Variants in HAO1 observed in about 807,000 individuals in gnomAD.
HAO1 encodes the protein hydroxyacid oxidase 1, also known as 2-Hydroxyacid oxidase 1.
Under a neutral mutation model 39.7 loss-of-function variants are expected in HAO1, and 34 were observed. The observed-to-expected ratio is 0.86, with a 90% CI of 0.65 to 1.14. The LOEUF is 1.14. HAO1 is among the 50% of genes most tolerant of loss of function. The pLI, the probability that HAO1 is intolerant of heterozygous loss-of-function variation, is 0.00. For missense variants in HAO1, 479 were observed against 464.5 expected, an observed-to-expected ratio of 1.03 and a Z score of -0.29; for synonymous variants, 172 against 173.2, an observed-to-expected ratio of 0.99 and a Z score of 0.05.
intron 4 of HAO1, among the ~76,000 whole-genome samples, chr20:7,899,904 G>A (rs1048060251): frequency 2.6e-5 from 4 of 152,092 alleles, no homozygotes; most frequent in Non-Finnish European, 5.9e-5. Flanking sequence ...AGACACAGTC[G>A]TCAATGGGCA....
Position 7,885,796 on chromosome 20 carries a change from C to T in HAO1, c.882G>A (p.Val294=), listed in dbSNP as rs2050148432. Residue 294 remains valine, a synonymous_variant, in exon 6 of 8, where the codon GTG becomes GTA. Transcript: ENST00000378789. ...GKVEVFLDGG[V]RKGTDVLKAL... ...CTTTCAGAACATCAGTGCCTTTCCG[C>T]ACACCCCCGTCCAGGAAGACTTCCA... 6.2e-7 allele frequency: 1 copy of T among 1,613,558 alleles called. No individual in the cohort carries two copies. Among genetic ancestry groups the T allele is most frequent in the Non-Finnish European group, 8.5e-7 (1 of 1,179,484 alleles).
chr20:7,899,404 G>T (rs1267111175), intron 4 of HAO1, among the ~76,000 whole-genome samples: 1 of 152,126 alleles, frequency 6.6e-6, no homozygotes, highest in Non-Finnish European at 1.5e-5. Context: ...AGATGAGTAG[G>T]TGGAGAAAGA....
chr20:7,903,615 G>C (rs1017615824), intron 4 of HAO1, among the ~76,000 whole-genome samples: 1 of 151,396 alleles, frequency 6.6e-6, no homozygotes, highest in Non-Finnish European at 1.5e-5. Context: ...GGTGGTCATA[G>C]TGGTGATGGG....
intron 7 of HAO1, among the ~76,000 whole-genome samples, chr20:7,885,128 G>T (rs1470525912): frequency 6.6e-6 from 1 of 152,188 alleles, no homozygotes; most frequent in Non-Finnish European, 1.5e-5. Context: ...GAAACTGCAG[G>T]TGGAGCAGGT....
At chr20:7,918,450 A>G (rs2050316690) in intron 2 of HAO1, among the ~76,000 whole-genome samples, 1 of 152,202 alleles carries the variant, frequency 6.6e-6, no homozygotes, top group African/African-American at 2.4e-5. Flanking sequence ...ATATTAAAAT[A>G]CTTACACTCC....
intron 2 of HAO1, among the ~76,000 whole-genome samples, chr20:7,931,580 A>C (rs2050385909): frequency 6.6e-6 from 1 of 151,854 alleles, no homozygotes; most frequent in African/African-American, 2.4e-5. Context: ...CAATGCTATA[A>C]TACTCGTAAT....
intron 2 of HAO1, among the ~76,000 whole-genome samples, chr20:7,927,178 G>A (rs1254308185): frequency 6.6e-6 from 1 of 152,046 alleles, no homozygotes; most frequent in Admixed American, 6.6e-5. Flanking sequence ...GCACCAAATG[G>A]TATAGTAAGC....
chr20:7,890,019 C>G (rs1488371993), intron 5 of HAO1, among the ~76,000 whole-genome samples: 3 of 152,072 alleles, frequency 2.0e-5, no homozygotes, highest in African/African-American at 7.2e-5. Context: ...ACAGCCTCCC[C>G]CAAGACCTTT....
At chr20:7,893,023 T>C (rs952432723) in intron 5 of HAO1, among the ~76,000 whole-genome samples, 2 of 152,188 alleles carry the variant, frequency 1.3e-5, no homozygotes, top group Non-Finnish European at 2.9e-5. Flanking sequence ...GACTACCTCA[T>C]TGGCCTTTCT....
chr20:7,923,696 C>T (rs1298015924), intron 2 of HAO1, among the ~76,000 whole-genome samples: 2 of 152,114 alleles, frequency 1.3e-5, no homozygotes, highest in Non-Finnish European at 2.9e-5. Flanking sequence ...CTGATCAGGG[C>T]TTCTCAATCT....
At chr20:7,912,127 G>A (rs2050282883) in intron 3 of HAO1, among the ~76,000 whole-genome samples, 1 of 152,176 alleles carries the variant, frequency 6.6e-6, no homozygotes, top group Non-Finnish European at 1.5e-5. Flanking sequence ...GACCGGAGAT[G>A]TGACAAGCTA....
rs138303376 is a variant in HAO1, at chr20:7,921,412, C to T, written c.290-6993G>A. Among the ~76,000 whole-genome samples, 195 of 152,234 alleles carry T rather than the reference C, an allele frequency of 1.3e-3. 1 individual carries two copies. The highest frequency in any genetic ancestry group is 4.4e-3 in the African/African-American group (184 of 41,548). ...AATCAAAACCACAATGATATACCAT[C>T]TCATACCAGTCAGAATTACTTTTGT... On this transcript the variant is annotated intron_variant, in intron 2 of 7. Transcript: ENST00000378789.
intron 4 of HAO1, 119 bp downstream of exon 4, chr20:7,906,035 G>A (rs538999404): frequency 5.3e-6 from 4 of 748,370 alleles, no homozygotes; most frequent in Middle Eastern, 2.7e-4. Context: ...TTGAGAGTTG[G>A]AATGTCTCTC....
intron 2 of HAO1, among the ~76,000 whole-genome samples, chr20:7,915,032 A>G (rs1312723289): frequency 2.0e-5 from 3 of 152,174 alleles, no homozygotes; most frequent in Non-Finnish European, 4.4e-5. Context: ...AGGCAGGAGA[A>G]TCGCTTGAAC....
chr20:7,934,559 T>G lies in HAO1; in HGVS notation c.214A>C (p.Ser72Arg). 1 of 1,613,014 alleles carries G rather than the reference T, an allele frequency of 6.2e-7. No individual in the cohort carries two copies. Among genetic ancestry groups the G allele is most frequent in the Non-Finnish European group, 8.5e-7 (1 of 1,179,004 alleles). The change falls in exon 2 of 8, where the codon AGC becomes CGC. Residue 72 changes from serine to arginine, a missense_variant. Coordinates refer to ENST00000378789, the MANE Select transcript of HAO1 (RefSeq NM_017545.3). ...LSTSVLGQRVSMPICVGATAM... is the reference protein window; with the variant it reads ...LSTSVLGQRVRMPICVGATAM... ...GTAGCCCCCACACATATTGGCATGC[T>G]GACCCTCTGTCCTAAAACAGAAGTC...
chr20:7,920,134 G>A (rs964193555), intron 2 of HAO1, among the ~76,000 whole-genome samples: 1 of 151,810 alleles, frequency 6.6e-6, no homozygotes, highest in Non-Finnish European at 1.5e-5. Context: ...GATCATAGGG[G>A]TGATTTCCTC....
intron 4 of HAO1, among the ~76,000 whole-genome samples, chr20:7,897,417 T>C (rs1015616732): frequency 6.6e-6 from 1 of 152,152 alleles, no homozygotes; most frequent in Non-Finnish European, 1.5e-5. Context: ...ATTGGACATT[T>C]TAAAGTTGTC....
intron 2 of HAO1, among the ~76,000 whole-genome samples, chr20:7,917,563 A>C (rs1164278149): frequency 1.3e-5 from 2 of 152,114 alleles, no homozygotes; most frequent in Non-Finnish European, 2.9e-5. Flanking sequence ...TGCCATGTGC[A>C]TGAGAGACAC....
chr20:7,933,460 A>G (rs926592584), intron 2 of HAO1, among the ~76,000 whole-genome samples: 8 of 151,014 alleles, frequency 5.3e-5, no homozygotes, highest in African/African-American at 1.9e-4. Flanking sequence ...TCTTCTCTCT[A>G]CTTATGTTTC....
Sources: gnomAD v4.1 joint callset for allele counts (sites outside exome capture counted in the v4.1 genomes callset) on GRCh38, gnomAD v4.1.1 for gene constraint, MANE v1.5 for transcripts, NCBI Gene and HGNC (gene_info 2026-07-23, HGNC 2026-07-21) for gene names.